Variants in COL5A2 observed in about 807,000 individuals in gnomAD.
COL5A2 encodes the protein collagen alpha-2(V) chain.
A neutral mutation model predicts 208.2 loss-of-function variants in COL5A2; 23 were observed. The ratio of observed to expected loss-of-function variants is 0.11; its 90% CI spans 0.08 to 0.16. The LOEUF (loss-of-function observed/expected upper bound fraction) is 0.16. COL5A2 is among the 10% of genes least tolerant of loss of function. COL5A2 has a pLI of 1.00. For synonymous variants in COL5A2, 625 were observed against 628.5 expected (o/e 0.99, Z 0.08); for missense variants, 1,590 against 1,956.4 (o/e 0.81, Z 3.53).
chr2:189,058,827 T>A, intron 32 of COL5A2, 22 bp downstream of exon 32: 1 of 1,610,082 alleles, frequency 6.2e-7, no homozygotes, highest in Non-Finnish European at 8.5e-7. Flanking sequence ...ACAACATTAA[T>A]CATGAAGATT....
chr2:189,079,759 C>A (rs1031205941), intron 14 of COL5A2, among the ~76,000 whole-genome samples: 2 of 152,152 alleles, frequency 1.3e-5, no homozygotes, highest in Non-Finnish European at 2.9e-5. Context: ...CCTACACTGG[C>A]AGACACCCAG....
At chr2:189,319,126 T>G in the COL5A2 span, among the ~76,000 whole-genome samples, 1 of 152,204 alleles carries the variant, frequency 6.6e-6, no homozygotes, top group Non-Finnish European at 1.5e-5. Context: ...GGATATGGCA[T>G]GAAATTAAAT....
intron 1 of COL5A2, among the ~76,000 whole-genome samples, chr2:189,121,659 C>T (rs552041848): frequency 7.8e-6 from 1 of 128,818 alleles, no homozygotes; most frequent in Admixed American, 1.0e-4. Flanking sequence ...ATGGCATGAA[C>T]CTGGGAGGCA....
chr2:189,073,605 A>G (rs944774091), intron 17 of COL5A2, among the ~76,000 whole-genome samples: 1 of 152,166 alleles, frequency 6.6e-6, no homozygotes, highest in Admixed American at 6.5e-5. Flanking sequence ...CATGATGAAC[A>G]GATAAAGTTT....
chr2:189,398,961 T>C, the COL5A2 span, among the ~76,000 whole-genome samples: 1 of 152,164 alleles, frequency 6.6e-6, no homozygotes, highest in Admixed American at 6.5e-5. Context: ...TCTTAGACAA[T>C]AGAACCATAG....
the COL5A2 span, among the ~76,000 whole-genome samples, chr2:189,238,459 T>C: frequency 6.6e-6 from 1 of 152,164 alleles, no homozygotes; most frequent in South Asian, 2.1e-4. Context: ...GAATATTTGT[T>C]ATGTATCCCT....
At chr2:189,089,385 T>C (rs1686733482) in intron 7 of COL5A2, among the ~76,000 whole-genome samples, 1 of 152,232 alleles carries the variant, frequency 6.6e-6, no homozygotes, top group Non-Finnish European at 1.5e-5. Context: ...AAATTGTTCA[T>C]ATACATTTTA....
chr2:189,229,654 T>C (rs1182360104), upstream of COL5A2, among the ~76,000 whole-genome samples: 2 of 151,662 alleles, frequency 1.3e-5, no homozygotes, highest in Non-Finnish European at 3.0e-5. Flanking sequence ...CACTAAAAAC[T>C]ATAAGACATT....
chr2:189,213,442 T>C (rs976392101), intron 1 of COL5A2, among the ~76,000 whole-genome samples: 1 of 152,214 alleles, frequency 6.6e-6, no homozygotes, highest in Non-Finnish European at 1.5e-5. Context: ...CCAGACATTA[T>C]GTGCTTCTTG....
the COL5A2 span, among the ~76,000 whole-genome samples, chr2:189,309,472 C>T: frequency 2.0e-5 from 3 of 152,278 alleles, no homozygotes; most frequent in South Asian, 2.1e-4. Flanking sequence ...CAGGCCACTG[C>T]GCATGCAGAC....
At chr2:189,286,217 A>G in the COL5A2 span, among the ~76,000 whole-genome samples, 2 of 152,138 alleles carry the variant, frequency 1.3e-5, no homozygotes, top group East Asian at 3.9e-4. Flanking sequence ...CTAACTGTCC[A>G]TTTTCAGGTG....
chr2:189,170,681 T>C (rs1393293359), intron 1 of COL5A2, among the ~76,000 whole-genome samples: 3 of 152,028 alleles, frequency 2.0e-5, no homozygotes, highest in African/African-American at 7.2e-5. Flanking sequence ...TAGTATTTGT[T>C]TAGATACAGT....
intron 47 of COL5A2, among the ~76,000 whole-genome samples, chr2:189,043,751 T>C (rs999504810): frequency 3.3e-5 from 5 of 152,200 alleles, no homozygotes; most frequent in African/African-American, 7.2e-5. Flanking sequence ...TATTAAGAAA[T>C]TGGCAAAAAC....
chr2:189,199,748 A>G (rs1689048218), intron 1 of COL5A2, among the ~76,000 whole-genome samples: 1 of 152,246 alleles, frequency 6.6e-6, no homozygotes, highest in Admixed American at 6.5e-5. Context: ...GTAAAAATAC[A>G]GCGAAACAAA....
the COL5A2 span, among the ~76,000 whole-genome samples, chr2:189,391,677 T>C: frequency 1.3e-5 from 2 of 152,142 alleles, no homozygotes; most frequent in African/African-American, 2.4e-5. Context: ...TCATTCCTTC[T>C]AAAAAGATGG....
At chr2:189,378,048 T>G in the COL5A2 span, among the ~76,000 whole-genome samples, 2 of 152,174 alleles carry the variant, frequency 1.3e-5, no homozygotes, top group Non-Finnish European at 2.9e-5. Context: ...TTGTAATTTA[T>G]TATAAAAGAA....
intron 1 of COL5A2, among the ~76,000 whole-genome samples, chr2:189,150,981 G>A (rs1257855232): frequency 2.0e-5 from 3 of 152,132 alleles, no homozygotes; most frequent in African/African-American, 7.2e-5. Context: ...ATTTTAGAAA[G>A]TGTTTCCATG....
the COL5A2 span, among the ~76,000 whole-genome samples, chr2:189,411,880 C>A: frequency 6.6e-6 from 1 of 152,060 alleles, no homozygotes; most frequent in Non-Finnish European, 1.5e-5. Flanking sequence ...CTTCAAGCAA[C>A]AGTTTCCCAG....
chr2:189,053,925 T>C lies in COL5A2; in HGVS notation c.2469A>G (p.Leu823=). ...TGCCCCGGGAGCCAGGAGGGCCAAC[T>C]AAACCTCGAGGACCAGGTTCACCCT... ...GEKGEPGPRG[L]VGPPGSRGNP... is the part of the protein sequence containing the mutation. The change falls in exon 37 of 54, where the codon TTA becomes TTG. Residue 823 remains leucine (L), a synonymous_variant. Coordinates refer to ENST00000374866, the MANE Select transcript of COL5A2 (RefSeq NM_000393.5). 6.2e-7 allele frequency: 1 copy of C among 1,614,002 alleles called. No individual in the cohort carries two copies. Among genetic ancestry groups the C allele is most frequent in the Non-Finnish European group, 8.5e-7 (1 of 1,179,954 alleles).
Sources: allele counts gnomAD v4.1 joint callset (sites outside exome capture counted in the v4.1 genomes callset), GRCh38; gene constraint gnomAD v4.1.1; transcripts MANE v1.5; gene names NCBI Gene and HGNC (gene_info 2026-07-23, HGNC 2026-07-21).